The following OAT variants were observed in gnomAD, a reference collection of about 807,000 sequenced individuals.
OAT encodes the protein ornithine aminotransferase.
Under a neutral mutation model 48.4 loss-of-function variants are expected in OAT, and 35 were observed. That is an observed-to-expected ratio of 0.72 (90% CI 0.55 to 0.96). The LOEUF (loss-of-function observed/expected upper bound fraction) is 0.96, where lower values mean the gene tolerates loss of function less well. Ranked by LOEUF, OAT falls within the 40% of genes least tolerant of loss-of-function variation. The pLI, the probability that OAT is intolerant of heterozygous loss-of-function variation, is 0.00. For synonymous variants in OAT, 182 were observed against 198.4 expected, an observed-to-expected ratio of 0.92 and a Z score of 0.70; for missense variants, 438 against 537.9, an observed-to-expected ratio of 0.81 and a Z score of 1.84.
At chr10:124,400,379 C>T (rs545973349) in intron 9 of OAT, among the ~76,000 whole-genome samples, 3 of 147,844 alleles carry the variant, frequency 2.0e-5, no homozygotes, top group South Asian at 2.1e-4. Context: ...ACCGGGGCAT[C>T]GGAAGTTGCA....
intron 9 of OAT, among the ~76,000 whole-genome samples, chr10:124,399,028 G>C (rs112570643): frequency 0.013 from 1,968 of 151,494 alleles, 43 homozygotes; most frequent in African/African-American, 0.046. Flanking sequence ...GCAAGGCACT[G>C]TCTCAAAAAA....
chr10:124,403,351 C>G (rs1447337880), intron 6 of OAT: 1 of 502,238 alleles, frequency 2.0e-6, no homozygotes, highest in African/African-American at 1.9e-5. Flanking sequence ...TTTTCTGGAC[C>G]TAACTACCCT....
At chr10:124,408,328 T>C (rs1951649037) in intron 4 of OAT, among the ~76,000 whole-genome samples, 1 of 76,994 alleles carries the variant, frequency 1.3e-5, no homozygotes, top group Non-Finnish European at 2.2e-5. Flanking sequence ...TATATATATA[T>C]ATATATATAT....
chr10:124,401,907 A>G, intron 7 of OAT, 68 bp from the exon 8 acceptor site: 1 of 1,171,378 alleles, frequency 8.5e-7, no homozygotes, highest in Non-Finnish European at 1.3e-6. Flanking sequence ...CCTTTTCCCC[A>G]GAGTCTCGCT....
intron 6 of OAT, chr10:124,403,356 T>C: frequency 2.0e-6 from 1 of 497,596 alleles, no homozygotes; most frequent in Non-Finnish European, 3.6e-6. Flanking sequence ...TGGACCTAAC[T>C]ACCCTCTGGG....
In OAT at chr10:124,397,482, T is replaced by C. The variant is rs922595009; in HGVS notation, c.*460A>G. ...TGGCCAATATGAAGTTTACTTAATATTAGTATTTTATATACACTTAACCAT... is the reference window on the plus strand; with the variant it reads ...TGGCCAATATGAAGTTTACTTAATACTAGTATTTTATATACACTTAACCAT... On this transcript the variant is annotated 3_prime_UTR_variant, in exon 10 of 10. Transcript: ENST00000368845. The C allele has an allele frequency of 3.2e-5, 5 of 156,072 alleles. No homozygotes were observed. The highest frequency in any genetic ancestry group is 2.5e-4 in the Admixed American group (4 of 15,950). 9.7% of individuals were successfully genotyped at this position (156,072 alleles called of 1,614,324 possible).
intron 9 of OAT, among the ~76,000 whole-genome samples, chr10:124,399,168 C>T (rs989567986): frequency 1.3e-5 from 2 of 151,942 alleles, no homozygotes; most frequent in Non-Finnish European, 2.9e-5. Context: ...AAAAGGGACT[C>T]GCTTCCTGAG....
intron 7 of OAT, among the ~76,000 whole-genome samples, 187 bp downstream of exon 7, chr10:124,402,740 A>G (rs930384092): frequency 6.6e-6 from 1 of 152,242 alleles, no homozygotes; most frequent in African/African-American, 2.4e-5. Context: ...TCTTCAGGCA[A>G]TAAGTAAGTG....
intron 4 of OAT, chr10:124,406,907 A>G: frequency 1.0e-5 from 10 of 964,598 alleles, no homozygotes; most frequent in African/African-American, 1.8e-5. Flanking sequence ...ACCTGACATA[A>G]ACCAGTAAAG....
In OAT at chr10:124,412,010, G is replaced by T. The variant is rs121965048; in HGVS notation, c.162C>A (p.Asn54Lys). The change falls in exon 2 of 10, where the codon AAC (asparagine) becomes AAA (lysine). Residue 54 changes from asparagine (N) to lysine (K), a missense_variant. By Grantham distance (94) the Asn-to-Lys change is moderately conservative (BLOSUM62 0). Transcript: ENST00000368845. ...CCAGGGCTACAGGTAAAGGATGGTA[G>T]TTGTGTGCACCATACTTATATTCCC... The part of the protein sequence containing the change: ...FEREYKYGAH[N>K]YHPLPVALER... The T allele has an allele frequency of 3.7e-6, 6 of 1,614,086 alleles. No homozygotes were observed. Among genetic ancestry groups the T allele is most frequent in the Non-Finnish European group, 5.1e-6 (6 of 1,180,028 alleles).
At chr10:124,407,570 A>G in intron 4 of OAT, 1 of 386,254 alleles carries the variant, frequency 2.6e-6, no homozygotes, top group Non-Finnish European at 3.5e-6. Flanking sequence ...TCAAATACCA[A>G]TCACCTCTGG....
At chr10:124,406,755 A>T (rs1211484926) in intron 4 of OAT, among the ~76,000 whole-genome samples, 2 of 149,910 alleles carry the variant, frequency 1.3e-5, no homozygotes, top group African/African-American at 4.9e-5. Flanking sequence ...GGCAGAGGTT[A>T]CAGTGAGCCA....
rs11553548 is a variant in OAT, at chr10:124,398,046, G to A, written c.1216C>T (p.Pro406Ser). The change falls in exon 10 of 10, where the codon CCA (proline) becomes TCA (serine). Residue 406 changes from proline (P) to serine (S), a missense_variant. By Grantham distance (74) the Pro-to-Ser change is moderately conservative. Transcript: ENST00000368845. ...AACCTGATAATGTCGCCATGGGTTG[G>A]CTTGGCCAGAAGTCCATTATCTCGA... Reference protein sequence around the residue: ...RLRDNGLLAKPTHGDIIRFAP... With the variant: ...RLRDNGLLAKSTHGDIIRFAP... 6.2e-7 allele frequency: 1 copy of A among 1,614,088 alleles called. No homozygotes were observed. The highest frequency in any genetic ancestry group is 8.5e-7 in the Non-Finnish European group (1 of 1,179,960).
At chr10:124,412,417 G>A (rs1295196075) in intron 1 of OAT, among the ~76,000 whole-genome samples, 1 of 152,110 alleles carries the variant, frequency 6.6e-6, no homozygotes, top group East Asian at 1.9e-4. Flanking sequence ...AGACTGAGGT[G>A]GGAGGATTGC....
chr10:124,418,817 G>T (rs1952004518), intron 1 of OAT, 56 bp downstream of exon 1: 2 of 152,274 alleles, frequency 1.3e-5, no homozygotes, highest in African/African-American at 4.8e-5. Flanking sequence ...CCGCTGTCAG[G>T]GAACCCCGGC....
chr10:124,413,841 G>A (rs990363281), intron 1 of OAT, among the ~76,000 whole-genome samples: 1 of 151,944 alleles, frequency 6.6e-6, no homozygotes. Context: ...CATCACATAA[G>A]TCAGAGCCAT....
At chr10:124,408,317 GTATATATATA>G (rs1173599560) in intron 4 of OAT, among the ~76,000 whole-genome samples, 2 of 83,214 alleles carry the variant, frequency 2.4e-5, no homozygotes, top group East Asian at 8.0e-4. Context: ...GTGTGTGTGT[GTATATATATA>G]TATATATATA....
chr10:124,407,078 T>C, intron 4 of OAT: 1 of 985,456 alleles, frequency 1.0e-6, no homozygotes, highest in Non-Finnish European at 1.2e-6. Flanking sequence ...GTATTTTGGC[T>C]TCATCTCGTT....
chr10:124,401,638 A>AT, intron 8 of OAT, 88 bp downstream of exon 8: 1 of 889,476 alleles, frequency 1.1e-6, no homozygotes, highest in Non-Finnish European at 1.8e-6. Context: ...TTCTTATTGA[A>AT]TTTTTTATTA....
Sources: gnomAD v4.1 joint callset for allele counts (sites outside exome capture counted in the v4.1 genomes callset) on GRCh38, gnomAD v4.1.1 for gene constraint, MANE v1.5 for transcripts, NCBI Gene and HGNC (gene_info 2026-07-23, HGNC 2026-07-21) for gene names.